The following C5orf47 variants were observed in gnomAD, a reference collection of about 807,000 sequenced individuals.
C5orf47 encodes the protein chromosome 5 open reading frame 47, also known as uncharacterized protein C5orf47.
A neutral mutation model predicts 20.6 loss-of-function variants in C5orf47; 20 were observed. The ratio of observed to expected loss-of-function variants is 0.97; its 90% CI spans 0.68 to 1.41. The LOEUF is 1.41. Among genes scored for constraint, C5orf47 ranks in the 40% most tolerant of loss-of-function variants. The probability of loss-of-function intolerance (pLI) is 0.00; values close to 1 mark genes in which losing one functional copy is unlikely to be tolerated. For missense variants in C5orf47, 262 were observed against 238.4 expected (o/e 1.10, Z -0.65); for synonymous variants, 106 against 97.3 (o/e 1.09, Z -0.53).
chr5:174,003,161 T>G (rs1360858038), intron 4 of C5orf47, among the ~76,000 whole-genome samples: 1 of 152,164 alleles, frequency 6.6e-6, no homozygotes, highest in Non-Finnish European at 1.5e-5. Context: ...AGAAAGAGTA[T>G]GCAAATATCT....
intron 1 of C5orf47, among the ~76,000 whole-genome samples, chr5:173,993,496 C>A (rs898601053): frequency 2.0e-5 from 3 of 152,034 alleles, no homozygotes; most frequent in Non-Finnish European, 4.4e-5. Flanking sequence ...CAAAAATTAG[C>A]TGGGTGTGGT....
At chr5:174,006,221 A>G (rs977509657), downstream of C5orf47, 3 of 152,300 alleles carry the variant, frequency 2.0e-5, no homozygotes, top group Admixed American at 6.5e-5. Flanking sequence ...CACTCACCAA[A>G]TCTATATCTG....
In C5orf47 at chr5:173,989,295, A is replaced by T; in HGVS notation, c.32A>T (p.Asp11Val). The T allele has an allele frequency of 7.1e-7, 1 of 1,400,600 alleles. No homozygotes were observed. Among genetic ancestry groups the T allele is most frequent in the Non-Finnish European group, 9.3e-7 (1 of 1,072,580 alleles). 86.8% of individuals were successfully genotyped at this position (1,400,600 alleles called of 1,614,324 possible). A position where few individuals can be genotyped will look rare whatever the true frequency, so the allele number is the denominator to read the frequency against. ...GCGGCAGGCCGGGGTCGGGAGCAGG[A>T]CTCGGCGCGCTTCGTCTATGTGACG... MAAAGRGREQDSARFVYVTRF... is the reference protein window; with the variant it reads MAAAGRGREQVSARFVYVTRF... Residue 11 changes from aspartate (D) to valine (V), a missense_variant, in exon 1 of 5, where the codon GAC becomes GTC. Coordinates refer to ENST00000340147, the MANE Select transcript of C5orf47 (RefSeq NM_001144954.2).
chr5:173,989,661 G>A (rs969827470), intron 1 of C5orf47, 73 bp downstream of exon 1: 11 of 1,252,550 alleles, frequency 8.8e-6, no homozygotes, highest in Non-Finnish European at 1.1e-5. Flanking sequence ...GCTGCTGGGC[G>A]CCATCTTGCG....
intron 4 of C5orf47, among the ~76,000 whole-genome samples, chr5:174,003,997 A>G (rs1759243202): frequency 1.3e-5 from 2 of 152,210 alleles, no homozygotes; most frequent in South Asian, 2.1e-4. Flanking sequence ...CTGTGACACA[A>G]TGTTTCTGTG....
intron 2 of C5orf47, among the ~76,000 whole-genome samples, chr5:173,999,283 G>T (rs1045831868): frequency 9.9e-5 from 15 of 152,064 alleles, no homozygotes; most frequent in African/African-American, 3.4e-4. Flanking sequence ...TGTCCTAGGA[G>T]AAATACTTAA....
chr5:174,007,559 C>CTTTTTTTT (rs113925593), downstream of C5orf47, among the ~76,000 whole-genome samples: 1 of 138,916 alleles, frequency 7.2e-6, no homozygotes, highest in African/African-American at 2.7e-5. Context: ...ACTCTCCTAC[C>CTTTTTTTT]TTTTTTTTTT....
intron 1 of C5orf47, among the ~76,000 whole-genome samples, chr5:173,997,353 T>G (rs1326594639): frequency 6.6e-6 from 1 of 152,206 alleles, no homozygotes; most frequent in East Asian, 1.9e-4. Context: ...CATTATTTTA[T>G]AATTTTGTCT....
At chr5:173,997,054 A>T (rs1581195043) in intron 1 of C5orf47, among the ~76,000 whole-genome samples, 1 of 152,380 alleles carries the variant, frequency 6.6e-6, no homozygotes, top group East Asian at 1.9e-4. Flanking sequence ...TTTATTCAAC[A>T]AATGGAATAC....
intron 2 of C5orf47, 149 bp from the exon 3 acceptor site, chr5:173,999,551 T>A (rs1157641783): frequency 7.5e-6 from 3 of 398,290 alleles, no homozygotes; most frequent in African/African-American, 2.1e-5. Context: ...ACAATTACAC[T>A]TAGGTTTTAG....
intron 1 of C5orf47, among the ~76,000 whole-genome samples, chr5:173,989,880 C>G (rs972104507): frequency 2.6e-5 from 4 of 152,280 alleles, no homozygotes; most frequent in African/African-American, 7.2e-5. Context: ...GAGTGAGATT[C>G]GTTGACTTCG....
intron 1 of C5orf47, among the ~76,000 whole-genome samples, chr5:173,991,971 G>A (rs1015774715): frequency 2.0e-5 from 3 of 152,096 alleles, no homozygotes; most frequent in African/African-American, 7.2e-5. Flanking sequence ...CCTTCTCTAT[G>A]TTTTCTATGG....
chr5:174,004,758 T>G lies in C5orf47; in HGVS notation c.*504T>G, dbSNP rs1293706389. 1 of 152,306 alleles carries G rather than the reference T, an allele frequency of 6.6e-6. No individual in the cohort carries two copies. The highest frequency in any genetic ancestry group is 2.4e-5 in the African/African-American group (1 of 41,446). 9.4% of individuals were successfully genotyped at this position (152,306 alleles called of 1,614,324 possible). ...AGAATTTACATAGCAACGATTATTTTGGGTGTTAAAACTAAGCTAATGATT... is the reference window on the plus strand; with the variant it reads ...AGAATTTACATAGCAACGATTATTTGGGGTGTTAAAACTAAGCTAATGATT... On this transcript the variant is annotated 3_prime_UTR_variant, in exon 5 of 5. Transcript: ENST00000340147.
At chr5:173,998,448 A>C (rs1759138562) in intron 2 of C5orf47, among the ~76,000 whole-genome samples, 1 of 152,216 alleles carries the variant, frequency 6.6e-6, no homozygotes, top group African/African-American at 2.4e-5. Flanking sequence ...CCAGTGTTAT[A>C]CCAGTGAAGG....
In C5orf47 at chr5:174,004,735, A is replaced by G. The variant is rs1262645534; in HGVS notation, c.*481A>G. On this transcript the variant is annotated 3_prime_UTR_variant, in exon 5 of 5. Coordinates refer to ENST00000340147, the MANE Select transcript of C5orf47 (RefSeq NM_001144954.2). ...AATTATTTTATGGAAAAAACCTTAG[A>G]ATTTACATAGCAACGATTATTTTGG... 1.3e-5 allele frequency: 2 copies of G among 152,314 alleles called. No homozygotes were observed. The highest frequency in any genetic ancestry group is 2.4e-5 in the African/African-American group (1 of 41,456). 9.4% of individuals were successfully genotyped at this position (152,314 alleles called of 1,614,324 possible).
chr5:173,989,536 C>T lies in C5orf47; in HGVS notation c.273C>T (p.Ser91=). The change falls in exon 1 of 5, where the codon TCC becomes TCT. Residue 91 remains serine, a synonymous_variant. Transcript: ENST00000340147. ...PGVEAAASAS[S]QLRASRVQSG... is the part of the protein sequence containing the mutation. ...TGGAGGCTGCGGCCTCTGCCTCCTCCCAGCTGCGGGCATCGAGAGTTCAGA... is the reference window on the plus strand; with the variant it reads ...TGGAGGCTGCGGCCTCTGCCTCCTCTCAGCTGCGGGCATCGAGAGTTCAGA... The T allele has an allele frequency of 1.3e-6, 2 of 1,523,476 alleles. No individual in the cohort carries two copies. The highest frequency in any genetic ancestry group is 1.8e-6 in the Non-Finnish European group (2 of 1,135,154). The allele number at this position is 1,523,476 out of a possible 1,614,324, so 94.4% of individuals were successfully genotyped here. A position where few individuals can be genotyped will look rare whatever the true frequency, so the allele number is the denominator to read the frequency against.
downstream of C5orf47, among the ~76,000 whole-genome samples, chr5:174,009,146 G>C (rs1273295820): frequency 6.6e-6 from 1 of 152,098 alleles, no homozygotes; most frequent in Non-Finnish European, 1.5e-5. Flanking sequence ...GTGTCCTAGA[G>C]GTTGCCGTGA....
chr5:174,009,429 C>T (rs1406883791), downstream of C5orf47, among the ~76,000 whole-genome samples: 1 of 152,152 alleles, frequency 6.6e-6, no homozygotes, highest in Non-Finnish European at 1.5e-5. Flanking sequence ...CGAATGCTTA[C>T]ATTATTGAGA....
chr5:173,989,684 C>G, intron 1 of C5orf47, 96 bp downstream of exon 1: 1 of 1,095,028 alleles, frequency 9.1e-7, no homozygotes, highest in Non-Finnish European at 1.2e-6. Flanking sequence ...ACGCAGGAGG[C>G]TGGGGGCAGC....
Sources: allele counts gnomAD v4.1 joint callset (sites outside exome capture counted in the v4.1 genomes callset), GRCh38; gene constraint gnomAD v4.1.1; transcripts MANE v1.5; gene names NCBI Gene and HGNC (gene_info 2026-07-23, HGNC 2026-07-21).